MILR1: variants seen among roughly 807,000 people sequenced by gnomAD.
MILR1 encodes the protein mast cell immunoglobulin like receptor 1, also known as allergin-1.
Under a neutral mutation model 18.5 loss-of-function variants are expected in MILR1, and 31 were observed. The observed-to-expected ratio is 1.68, with a 90% CI of 1.26 to 2.26. MILR1 has a LOEUF of 2.26. MILR1 is among the 30% of genes most tolerant of loss of function. MILR1 has a pLI of 0.00. For synonymous variants in MILR1, 85 were observed against 56.2 expected (o/e 1.51, Z -2.30); for missense variants, 257 against 157.4 (o/e 1.63, Z -3.38).
At chr17:64,460,979 G>A in intron 5 of MILR1, 47 bp downstream of exon 5, 3 of 468,866 alleles carry the variant, frequency 6.4e-6, no homozygotes, top group Non-Finnish European at 1.2e-5. Flanking sequence ...GTGGGCTTGG[G>A]ATACAGACAG....
the MILR1 span, among the ~76,000 whole-genome samples, chr17:64,483,758 C>T: frequency 2.0e-5 from 3 of 151,144 alleles, no homozygotes; most frequent in Admixed American, 6.6e-5. Flanking sequence ...CTCTGTTGCC[C>T]AGGCTAGAAT....
At chr17:64,492,905 C>A in the MILR1 span, 1 of 1,614,060 alleles carries the variant, frequency 6.2e-7, no homozygotes. Flanking sequence ...CTTTTAACAC[C>A]ATTTCGTATC....
chr17:64,496,355 C>A, the MILR1 span: 1 of 1,208,364 alleles, frequency 8.3e-7, no homozygotes, highest in Middle Eastern at 2.0e-4. Flanking sequence ...AGCAAGACTG[C>A]CTCGCCTTTC....
intron 9 of MILR1, chr17:64,467,935 CAA>C (rs112297771): frequency 8.5e-3 from 1,351 of 158,366 alleles, no homozygotes; most frequent in Admixed American, 0.014. Context: ...GACTTCATCT[CAA>C]AAAAAAAAAA....
the MILR1 span, chr17:64,477,673 C>A: frequency 7.7e-6 from 7 of 910,148 alleles, no homozygotes; most frequent in East Asian, 1.7e-4. Flanking sequence ...ATTCCTGATA[C>A]AATGAAAGAC....
intron 7 of MILR1, 44 bp from the exon 8 acceptor site, chr17:64,466,550 C>A: frequency 1.2e-6 from 2 of 1,611,330 alleles, no homozygotes; most frequent in South Asian, 1.1e-5. Context: ...CTTAGAAATT[C>A]ACATAATTGG....
At chr17:64,488,739 GT>G in the MILR1 span, among the ~76,000 whole-genome samples, 2 of 152,116 alleles carry the variant, frequency 1.3e-5, no homozygotes, top group Non-Finnish European at 2.9e-5. Context: ...AAGCCTTCTA[GT>G]TTTTCATTAG....
chr17:64,496,912 AGAC>A, the MILR1 span: 5 of 1,612,508 alleles, frequency 3.1e-6, no homozygotes, highest in Middle Eastern at 1.6e-4. Context: ...CCCCAAACCC[AGAC>A]AACAGGCACC....
At chr17:64,494,964 G>C in the MILR1 span, among the ~76,000 whole-genome samples, 6 of 150,584 alleles carry the variant, frequency 4.0e-5, no homozygotes, top group Non-Finnish European at 8.9e-5. Flanking sequence ...ACAAGGTCAG[G>C]AGATAGAGAC....
chr17:64,481,270 G>A, the MILR1 span: 16 of 984,940 alleles, frequency 1.6e-5, no homozygotes, highest in Non-Finnish European at 1.9e-5. Flanking sequence ...TGGGACATAC[G>A]CCATTATCTT....
downstream of MILR1, among the ~76,000 whole-genome samples, chr17:64,470,127 T>C (rs1275968522): frequency 6.6e-6 from 1 of 152,228 alleles, no homozygotes; most frequent in Non-Finnish European, 1.5e-5. Flanking sequence ...AGAGTCTCTC[T>C]CTGTTGCCCA....
chr17:64,490,896 TAA>T, the MILR1 span: 1 of 1,613,718 alleles, frequency 6.2e-7, no homozygotes. Flanking sequence ...AAAATTGTAG[TAA>T]AGTTTGTTTC....
At chr17:64,493,042 C>G in the MILR1 span, 22 of 1,613,420 alleles carry the variant, frequency 1.4e-5, no homozygotes, top group African/African-American at 2.7e-4. Flanking sequence ...ATAAATCAAT[C>G]ATTGTATACA....
At chr17:64,481,166 C>T in the MILR1 span, 5 of 552,920 alleles carry the variant, frequency 9.0e-6, no homozygotes, top group Non-Finnish European at 1.1e-5. Flanking sequence ...CAAATCTCTC[C>T]AGACATTACT....
chr17:64,467,049 C>T (rs868937082), intron 8 of MILR1, among the ~76,000 whole-genome samples: 35 of 117,742 alleles, frequency 3.0e-4, no homozygotes, highest in African/African-American at 4.3e-4. Flanking sequence ...TTTCTTTCTT[C>T]TTTCTTTCTT....
In MILR1 at chr17:64,452,838, C is replaced by T; in HGVS notation, c.339C>T (p.Tyr113=). 2.1e-6 allele frequency: 1 copy of T among 475,244 alleles called. No homozygotes were observed. Among genetic ancestry groups the T allele is most frequent in the Non-Finnish European group, 3.9e-6 (1 of 259,018 alleles). 29.4% of individuals were successfully genotyped at this position (475,244 alleles called of 1,614,324 possible). ...CCCAAGTTACCAGCTGTTCAAAATACAGTCGTGACTTCAGCTTCACGATTG... is the reference window on the plus strand; with the variant it reads ...CCCAAGTTACCAGCTGTTCAAAATATAGTCGTGACTTCAGCTTCACGATTG... ...CKAQVTSCSK[Y]SRDFSFTIVD... is the part of the protein sequence containing the mutation. Residue 113 remains tyrosine (Y), a synonymous_variant, in exon 3 of 10, where the codon TAC becomes TAT. Transcript: ENST00000619286.
chr17:64,497,355 A>G, the MILR1 span, among the ~76,000 whole-genome samples: 1 of 152,214 alleles, frequency 6.6e-6, no homozygotes, highest in Non-Finnish European at 1.5e-5. Flanking sequence ...GTATTATCCA[A>G]ATCACCTTCT....
downstream of MILR1, among the ~76,000 whole-genome samples, chr17:64,471,539 A>G (rs1465809652): frequency 6.6e-6 from 1 of 152,204 alleles, no homozygotes; most frequent in Non-Finnish European, 1.5e-5. Context: ...ATCAGTGCAA[A>G]GTGAGTAGAC....
chr17:64,471,532 A>C (rs1247023352), downstream of MILR1, among the ~76,000 whole-genome samples: 3 of 152,228 alleles, frequency 2.0e-5, no homozygotes, highest in Admixed American at 2.0e-4. Context: ...AGACACTATC[A>C]GTGCAAAGTG....
Sources: gnomAD v4.1 joint callset for allele counts (sites outside exome capture counted in the v4.1 genomes callset) on GRCh38, gnomAD v4.1.1 for gene constraint, MANE v1.5 for transcripts, NCBI Gene and HGNC (gene_info 2026-07-23, HGNC 2026-07-21) for gene names.